The following LUZP2 variants were observed in gnomAD, a reference collection of about 807,000 sequenced individuals.
LUZP2 encodes leucine zipper protein 2.
LUZP2 carries 52 observed loss-of-function variants against 51.6 expected under a neutral mutation model. The ratio of observed to expected loss-of-function variants is 1.01; its 90% CI spans 0.81 to 1.27. The LOEUF (loss-of-function observed/expected upper bound fraction) is 1.27. LUZP2 is among the 50% of genes most tolerant of loss of function. LUZP2 has a pLI of 0.00. For missense variants in LUZP2, 436 were observed against 395.4 expected, an observed-to-expected ratio of 1.10 and a Z score of -0.87; for synonymous variants, 154 against 137.3, an observed-to-expected ratio of 1.12 and a Z score of -0.85.
chr11:25,004,743 G>A (rs775565936), intron 9 of LUZP2, among the ~76,000 whole-genome samples: 15 of 152,096 alleles, frequency 9.9e-5, no homozygotes, highest in Non-Finnish European at 1.9e-4. Flanking sequence ...TAGAACACAG[G>A]TCAACAGAAG....
chr11:25,043,845 TTTG>T (rs996026338), intron 9 of LUZP2, among the ~76,000 whole-genome samples: 1 of 146,872 alleles, frequency 6.8e-6, no homozygotes, highest in South Asian at 2.1e-4. Flanking sequence ...GCTTTTTGCT[TTTG>T]TTGTTGTCAT....
chr11:24,709,022 G>T (rs1857721661), intron 1 of LUZP2, among the ~76,000 whole-genome samples: 1 of 152,132 alleles, frequency 6.6e-6, no homozygotes, highest in Non-Finnish European at 1.5e-5. Context: ...TCATGTTTCT[G>T]AAATGATTGT....
chr11:24,850,642 T>C (rs1851363682), intron 5 of LUZP2, among the ~76,000 whole-genome samples: 1 of 152,206 alleles, frequency 6.6e-6, no homozygotes, highest in South Asian at 2.1e-4. Context: ...AGTAGTTTTT[T>C]CTAATTCTGT....
intron 5 of LUZP2, among the ~76,000 whole-genome samples, chr11:24,880,294 C>G (rs1852418421): frequency 6.6e-6 from 1 of 152,198 alleles, no homozygotes; most frequent in African/African-American, 2.4e-5. Context: ...TTTAGACTCT[C>G]TCCACGCCAT....
intron 7 of LUZP2, among the ~76,000 whole-genome samples, chr11:24,976,178 C>A (rs1855876308): frequency 6.6e-6 from 1 of 151,842 alleles, no homozygotes; most frequent in African/African-American, 2.4e-5. Context: ...TTAATTACCC[C>A]CAAAGTGCTC....
chr11:24,990,942 G>A (rs1189815654), intron 9 of LUZP2, among the ~76,000 whole-genome samples: 1 of 151,490 alleles, frequency 6.6e-6, no homozygotes, highest in African/African-American at 2.4e-5. Context: ...TTGTGTTTAA[G>A]CATTTATTTT....
chr11:24,737,310 A>G lies in LUZP2; in HGVS notation c.252-911A>G, dbSNP rs1906099. Reference sequence around the variant, plus strand: ...GTGTGTCACTTGCTCAAATATCCAGAGCTAATCTTTTGGCACTAGATTGGA... The same window carrying G: ...GTGTGTCACTTGCTCAAATATCCAGGGCTAATCTTTTGGCACTAGATTGGA... On this transcript the variant is annotated intron_variant, in intron 3 of 11. Transcript: ENST00000336930. 3.3e-5 allele frequency among the ~76,000 whole-genome samples: 5 copies of G among 151,902 alleles called. No homozygotes were observed. The South Asian group carries it at 6.2e-4, about 19-fold the overall frequency.
At chr11:24,660,069 C>A (rs1167276606) in intron 1 of LUZP2, among the ~76,000 whole-genome samples, 1 of 152,072 alleles carries the variant, frequency 6.6e-6, no homozygotes, top group African/African-American at 2.4e-5. Context: ...AGAGTGGAAG[C>A]AGCAGAGACA....
chr11:24,715,844 G>T (rs1858023668), intron 1 of LUZP2, among the ~76,000 whole-genome samples: 1 of 151,902 alleles, frequency 6.6e-6, no homozygotes, highest in African/African-American at 2.4e-5. Flanking sequence ...CATGTAGAAG[G>T]ATCCAATAAA....
rs35383666 is a variant in LUZP2, at chr11:24,562,863, CAA to C, written c.62+65573_62+65574del. Among the ~76,000 whole-genome samples, 267 of 115,512 alleles carry C rather than the reference CAA, an allele frequency of 2.3e-3. 1 individual carries two copies. Among genetic ancestry groups the C allele is most frequent in the Admixed American group, 2.3e-3 (26 of 11,394 alleles). 75.8% of individuals were successfully genotyped at this position (115,512 alleles called of 152,430 possible). A position where few individuals can be genotyped will look rare whatever the true frequency, so the allele number is the denominator to read the frequency against. ...GGTGACAGAGTGAGACTCCATCTCT[CAA>C]AAAAAAAAAAAAAAGAAAGGTTATA... On this transcript the variant is annotated intron_variant, in intron 1 of 11. Coordinates refer to ENST00000336930, the MANE Select transcript of LUZP2 (RefSeq NM_001009909.4).
rs988396560 is a variant in LUZP2, at chr11:25,001,280, A to T, written c.765+17987A>T. 2.0e-5 allele frequency among the ~76,000 whole-genome samples: 3 copies of T among 152,200 alleles called. No individual in the cohort carries two copies. In the East Asian group the frequency reaches 5.8e-4, roughly 29 times the overall value. On this transcript the variant is annotated intron_variant, in intron 9 of 11. Coordinates refer to ENST00000336930, the MANE Select transcript of LUZP2 (RefSeq NM_001009909.4). ...TTGGCTGAGTGCAAACAGCTCACAC[A>T]TTTGAGCAGACCAATTATTAGGCAA...
intron 4 of LUZP2, among the ~76,000 whole-genome samples, chr11:24,761,866 G>A (rs1374476473): frequency 2.7e-5 from 4 of 150,374 alleles, no homozygotes; most frequent in Admixed American, 1.3e-4. Flanking sequence ...TTTCATAAGC[G>A]CATACACAAT....
chr11:24,729,732 A>G (rs1327007015), intron 2 of LUZP2, among the ~76,000 whole-genome samples: 2 of 151,992 alleles, frequency 1.3e-5, no homozygotes, highest in East Asian at 1.9e-4. Flanking sequence ...ACATCTTAAC[A>G]TACTGAAATC....
At chr11:24,575,539 G>T (rs901807058) in intron 1 of LUZP2, among the ~76,000 whole-genome samples, 1 of 152,090 alleles carries the variant, frequency 6.6e-6, no homozygotes, top group African/African-American at 2.4e-5. Flanking sequence ...CATGATTCCT[G>T]TGATATATTC....
At chr11:25,018,700 T>C (rs1329233237) in intron 9 of LUZP2, among the ~76,000 whole-genome samples, 2 of 150,210 alleles carry the variant, frequency 1.3e-5, no homozygotes, top group Non-Finnish European at 3.0e-5. Flanking sequence ...CTCTAGCTCC[T>C]GGGTTCAAGT....
chr11:24,522,154 CTTG>C (rs1281188046), intron 1 of LUZP2, among the ~76,000 whole-genome samples: 1 of 152,094 alleles, frequency 6.6e-6, no homozygotes, highest in Non-Finnish European at 1.5e-5. Flanking sequence ...ATAGAACCAA[CTTG>C]TTGTCCCTGA....
chr11:24,608,288 G>A (rs775076948), intron 1 of LUZP2, among the ~76,000 whole-genome samples: 1 of 152,160 alleles, frequency 6.6e-6, no homozygotes, highest in Non-Finnish European at 1.5e-5. Context: ...TTAACACAGA[G>A]TGAGTATAAT....
intron 1 of LUZP2, among the ~76,000 whole-genome samples, chr11:24,722,508 A>C (rs1397075888): frequency 6.6e-6 from 1 of 152,118 alleles, no homozygotes; most frequent in Non-Finnish European, 1.5e-5. Context: ...TTCCTCCCAC[A>C]ACATGTAGGA....
intron 5 of LUZP2, among the ~76,000 whole-genome samples, chr11:24,819,701 A>G (rs1850299175): frequency 6.6e-6 from 1 of 152,134 alleles, no homozygotes; most frequent in African/African-American, 2.4e-5. Flanking sequence ...CTGCCTAAAG[A>G]CTGGATTTCC....
Sources: allele counts gnomAD v4.1 joint callset (sites outside exome capture counted in the v4.1 genomes callset), GRCh38; gene constraint gnomAD v4.1.1; transcripts MANE v1.5; gene names NCBI Gene and HGNC (gene_info 2026-07-23, HGNC 2026-07-21).